The following RPS23 variants were observed in gnomAD, a reference collection of about 807,000 sequenced individuals.
RPS23 encodes the protein ribosomal protein S23, also known as small ribosomal subunit protein uS12.
For missense variants in RPS23, 73 were observed against 174.5 expected, an observed-to-expected ratio of 0.42 and a Z score of 3.28; for synonymous variants, 66 against 60.4, an observed-to-expected ratio of 1.09 and a Z score of -0.43.
In RPS23 at chr5:82,278,231, C is replaced by T; in HGVS notation, c.4+89G>A. 3.6e-6 allele frequency: 5 copies of T among 1,392,018 alleles called. No homozygotes were observed. The South Asian group carries it at 6.2e-5, about 17-fold the overall frequency. 86.2% of individuals were successfully genotyped at this position (1,392,018 alleles called of 1,614,324 possible). A position where few individuals can be genotyped will look rare whatever the true frequency, so the allele number is the denominator to read the frequency against. On this transcript the variant is annotated intron_variant, in intron 1 of 3. Transcript: ENST00000296674. Reference sequence around the variant, plus strand: ...CCCCATGGAGCCTCTCCATGGCATCCCCCGCCCTACTCTATTCGCATCCGC... The same window carrying T: ...CCCCATGGAGCCTCTCCATGGCATCTCCCGCCCTACTCTATTCGCATCCGC...
In RPS23 at chr5:82,275,565, A is replaced by G. The variant is rs1747755130; in HGVS notation, c.*544T>C. On this transcript the variant is annotated 3_prime_UTR_variant, in exon 4 of 4. Transcript: ENST00000296674. ...AACACATTAATGTAGACACATTACAACACAGATCCTGACACCTTTAAATAA... is the reference window on the plus strand; with the variant it reads ...AACACATTAATGTAGACACATTACAGCACAGATCCTGACACCTTTAAATAA... 1 of 489,484 alleles carries G rather than the reference A, an allele frequency of 2.0e-6. No homozygotes were observed. The highest frequency in any genetic ancestry group is 3.3e-5 in the East Asian group (1 of 30,174). 30.3% of individuals were successfully genotyped at this position (489,484 alleles called of 1,614,324 possible). A position where few individuals can be genotyped will look rare whatever the true frequency, so the allele number is the denominator to read the frequency against.
intron 1 of RPS23, 168 bp downstream of exon 1, chr5:82,278,152 G>A: frequency 3.3e-6 from 3 of 899,810 alleles, no homozygotes; most frequent in East Asian, 2.7e-5. Flanking sequence ...ACGCCTCATG[G>A]GCCCCTTCCG....
At position 82,275,326 on chromosome 5, in the gene RPS23, C is replaced by T. The variant is rs1359259559; in HGVS notation, c.*783G>A. ...ACAAGTATTTGTGGACAGCAAAATC[C>T]ACATGTACTCAATACCTAGCTTAAA... On this transcript the variant is annotated 3_prime_UTR_variant, in exon 4 of 4. Transcript: ENST00000296674. 3 of 702,450 alleles carry T rather than the reference C, an allele frequency of 4.3e-6. No homozygotes were observed. Among genetic ancestry groups the T allele is most frequent in the Admixed American group, 2.0e-5 (1 of 49,996 alleles). 43.5% of individuals were successfully genotyped at this position (702,450 alleles called of 1,614,324 possible). A position where few individuals can be genotyped will look rare whatever the true frequency, so the allele number is the denominator to read the frequency against.
intron 2 of RPS23, 180 bp from the exon 3 acceptor site, chr5:82,276,698 G>A (rs755477019): frequency 1.1e-5 from 8 of 718,960 alleles, no homozygotes; most frequent in Admixed American, 5.8e-5. Context: ...TAGCACAATG[G>A]GGGAAATTTC....
At position 82,276,027 on chromosome 5, in the gene RPS23, G is replaced by A. The variant is rs226201; in HGVS notation, c.*82C>T. 747,279 of 1,319,230 alleles carry A rather than the reference G, an allele frequency of 0.57. 221,972 individuals are homozygous for A. Among genetic ancestry groups the A allele is most frequent in the East Asian group, 0.93 (40,368 of 43,276 alleles). 81.7% of individuals were successfully genotyped at this position (1,319,230 alleles called of 1,614,324 possible). A position where few individuals can be genotyped will look rare whatever the true frequency, so the allele number is the denominator to read the frequency against. On this transcript the variant is annotated 3_prime_UTR_variant, in exon 4 of 4. Coordinates refer to ENST00000296674, the MANE Select transcript of RPS23 (RefSeq NM_001025.5). ...GGTGGTGGTAATGAACATGATCTTCGTGGTGAGAACAGGGGACAGTAAGAT... is the reference window on the plus strand; with the variant it reads ...GGTGGTGGTAATGAACATGATCTTCATGGTGAGAACAGGGGACAGTAAGAT...
rs1747765584 is a variant in RPS23 at position 82,276,013 on chromosome 5, T to C, written c.*96A>G. 17 of 1,204,884 alleles carry C rather than the reference T, an allele frequency of 1.4e-5. No homozygotes were observed. Among genetic ancestry groups the C allele is most frequent in the Middle Eastern group, 2.9e-4 (1 of 3,390 alleles). The allele number at this position is 1,204,884 out of a possible 1,614,324, so 74.6% of individuals were successfully genotyped here. ...AAATAAGGGGGGGTGGTGGTGGTAA[T>C]GAACATGATCTTCGTGGTGAGAACA... On this transcript the variant is annotated 3_prime_UTR_variant, in exon 4 of 4. Coordinates refer to ENST00000296674, the MANE Select transcript of RPS23 (RefSeq NM_001025.5).
Position 82,275,975 on chromosome 5 carries a change from T to C in RPS23, c.*134A>G. ...TTGGTACAGGTCCTGCGTTTGCTGG[T>C]TTAGGATAAAAAAAATAAGGGGGGG... On this transcript the variant is annotated 3_prime_UTR_variant, in exon 4 of 4. Coordinates refer to ENST00000296674, the MANE Select transcript of RPS23 (RefSeq NM_001025.5). 1.2e-6 allele frequency: 1 copy of C among 820,956 alleles called. No homozygotes were observed. The highest frequency in any genetic ancestry group is 1.9e-6 in the Non-Finnish European group (1 of 519,776). The allele number at this position is 820,956 out of a possible 1,614,324, so 50.9% of individuals were successfully genotyped here.
Position 82,276,055 on chromosome 5 carries a change from A to C in RPS23, c.*54T>G, listed in dbSNP as rs41271129. ...GTGAGAACAGGGGACAGTAAGATAC[A>C]AACATTTTTTGGCATATGAAAATTT... On this transcript the variant is annotated 3_prime_UTR_variant, in exon 4 of 4. Coordinates refer to ENST00000296674, the MANE Select transcript of RPS23 (RefSeq NM_001025.5). 0.062 allele frequency: 95,439 copies of C among 1,533,348 alleles called. 3,436 individuals are homozygous for C. The highest frequency in any genetic ancestry group is 0.073 in the Non-Finnish European group (81,863 of 1,123,452). The allele number at this position is 1,533,348 out of a possible 1,614,324, so 95.0% of individuals were successfully genotyped here.
chr5:82,273,838 C>G lies in RPS23; in HGVS notation c.*2271G>C, dbSNP rs1032550482. 6.6e-6 allele frequency: 1 copy of G among 152,216 alleles called. No individual in the cohort carries two copies. The highest frequency in any genetic ancestry group is 2.4e-5 in the African/African-American group (1 of 41,458). 9.4% of individuals were successfully genotyped at this position (152,216 alleles called of 1,614,324 possible). On this transcript the variant is annotated 3_prime_UTR_variant, in exon 4 of 4. Coordinates refer to ENST00000296674, the MANE Select transcript of RPS23 (RefSeq NM_001025.5). ...TCAGCCTCCCAAAGTGCTGGGATTA[C>G]AGGCATGAACCACAGCGCCCAGCTT...
At position 82,276,199 on chromosome 5, in the gene RPS23, A is replaced by G. The variant is rs746571634; in HGVS notation, c.342T>C (p.Asp114=). ...GFGRKGHAVG[D]IPGVRFKVVK... is the part of the protein sequence containing the mutation. ...CAACCTTAAAGCGGACTCCAGGAATATCACCAACAGCATGACCTTTGCGAC... is the reference window on the plus strand; with the variant it reads ...CAACCTTAAAGCGGACTCCAGGAATGTCACCAACAGCATGACCTTTGCGAC... Residue 114 remains aspartate (D), a synonymous_variant, in exon 4 of 4, where the codon GAT becomes GAC. Transcript: ENST00000296674. 6.2e-7 allele frequency: 1 copy of G among 1,612,922 alleles called. No individual in the cohort carries two copies. The highest frequency in any genetic ancestry group is 8.5e-7 in the Non-Finnish European group (1 of 1,179,702).
intron 1 of RPS23, 47 bp downstream of exon 1, chr5:82,278,273 C>T: frequency 1.3e-6 from 2 of 1,590,492 alleles, no homozygotes; most frequent in South Asian, 2.3e-5. Context: ...GTCCCCAAGA[C>T]CCCAAGTCCC....
At position 82,275,121 on chromosome 5, in the gene RPS23, AAGT is replaced by A. The variant is rs1408420381; in HGVS notation, c.*985_*987del. On this transcript the variant is annotated 3_prime_UTR_variant, in exon 4 of 4. Transcript: ENST00000296674. ...AAGGTTCTGCTCTTGATCCTACGGA[AAGT>A]GGGCAACCAAACCAATTGTTTTCCA... 1 of 668,856 alleles carries A rather than the reference AAGT, an allele frequency of 1.5e-6. No homozygotes were observed. The highest frequency in any genetic ancestry group is 1.6e-5 in the South Asian group (1 of 61,410). 41.4% of individuals were successfully genotyped at this position (668,856 alleles called of 1,614,324 possible).
At chr5:82,277,875 C>G (rs756216144) in intron 1 of RPS23, 23 bp from the exon 2 acceptor site, 1 of 1,608,588 alleles carries the variant, frequency 6.2e-7, no homozygotes, top group Non-Finnish European at 8.5e-7. Flanking sequence ...TATTTTAGTT[C>G]TTCCGTAAAA....
chr5:82,275,754 A>T lies in RPS23; in HGVS notation c.*355T>A, dbSNP rs1266616937. The T allele has an allele frequency of 3.9e-6, 1 of 255,920 alleles. No homozygotes were observed. The highest frequency in any genetic ancestry group is 7.3e-6 in the Non-Finnish European group (1 of 136,116). 15.9% of individuals were successfully genotyped at this position (255,920 alleles called of 1,614,324 possible). On this transcript the variant is annotated 3_prime_UTR_variant, in exon 4 of 4. Coordinates refer to ENST00000296674, the MANE Select transcript of RPS23 (RefSeq NM_001025.5). ...GATATGGAAAATACCAAGAATAAAA[A>T]AGAAAGTATCTCACTAGAATTTCAG...
intron 3 of RPS23, 56 bp from the exon 4 acceptor site, chr5:82,276,311 TCATGTGAGGAAACTCCCTTG>T (rs763622258): frequency 1.2e-6 from 2 of 1,612,526 alleles, no homozygotes; most frequent in Non-Finnish European, 1.7e-6. Context: ...AAAAATACTT[TCATGTGAGGAAACTCCCTTG>T]CATCAGATAA....
rs1046187008 is a variant in RPS23 at position 82,273,723 on chromosome 5, G to A, written c.*2386C>T. The stretch of plus-strand genomic sequence containing the variant: ...TATAAAACAATATAAAACAATATGA[G>A]AAGGTCTCTCTCTTCCCTCAAGAGT... On this transcript the variant is annotated 3_prime_UTR_variant, in exon 4 of 4. Coordinates refer to ENST00000296674, the MANE Select transcript of RPS23 (RefSeq NM_001025.5). The A allele has an allele frequency of 6.6e-6, 1 of 151,956 alleles. No individual in the cohort carries two copies. Among genetic ancestry groups the A allele is most frequent in the Admixed American group, 6.6e-5 (1 of 15,260 alleles). The allele number at this position is 151,956 out of a possible 1,614,324, so 9.4% of individuals were successfully genotyped here. A position where few individuals can be genotyped will look rare whatever the true frequency, so the allele number is the denominator to read the frequency against.
In RPS23 at chr5:82,275,038, G is replaced by A. The variant is rs747790048; in HGVS notation, c.*1071C>T. 243 of 576,394 alleles carry A rather than the reference G, an allele frequency of 4.2e-4. 2 individuals are homozygous for A. Among genetic ancestry groups the A allele is most frequent in the Admixed American group, 1.6e-3 (52 of 32,934 alleles). 35.7% of individuals were successfully genotyped at this position (576,394 alleles called of 1,614,324 possible). ...CAAAGTGCCAAGGAGAGAAATGGCA[G>A]GCTAAGGCTGGAATATGCAGGTATG... On this transcript the variant is annotated 3_prime_UTR_variant, in exon 4 of 4. Coordinates refer to ENST00000296674, the MANE Select transcript of RPS23 (RefSeq NM_001025.5).
At position 82,275,270 on chromosome 5, in the gene RPS23, A is replaced by T. The variant is rs981214365; in HGVS notation, c.*839T>A. On this transcript the variant is annotated 3_prime_UTR_variant, in exon 4 of 4. Coordinates refer to ENST00000296674, the MANE Select transcript of RPS23 (RefSeq NM_001025.5). The stretch of plus-strand genomic sequence containing the variant: ...GCAGAAGGCTCACAGCTTCATTTCA[A>T]CCATGCCACTGTATCCATGAAAACT... The T allele has an allele frequency of 1.4e-6, 1 of 702,636 alleles. No homozygotes were observed. Among genetic ancestry groups the T allele is most frequent in the East Asian group, 2.7e-5 (1 of 37,282 alleles). 43.5% of individuals were successfully genotyped at this position (702,636 alleles called of 1,614,324 possible). A position where few individuals can be genotyped will look rare whatever the true frequency, so the allele number is the denominator to read the frequency against.
Position 82,276,274 on chromosome 5 carries a change from T to A in RPS23, c.286-19A>T, listed in dbSNP as rs1350999784. 2 of 1,613,308 alleles carry A rather than the reference T, an allele frequency of 1.2e-6. No individual in the cohort carries two copies. Among genetic ancestry groups the A allele is most frequent in the East Asian group, 4.5e-5 (2 of 44,866 alleles). ...CATTTTCCTGGAATAAAATAAGAAG[T>A]TTATTTCTGGTGTTGGTGGCGATCA... On this transcript the variant is annotated intron_variant, in intron 3 of 3. Coordinates refer to ENST00000296674, the MANE Select transcript of RPS23 (RefSeq NM_001025.5).
Sources: allele counts gnomAD v4.1 joint callset, GRCh38; gene constraint gnomAD v4.1.1; transcripts MANE v1.5; gene names NCBI Gene and HGNC (gene_info 2026-07-23, HGNC 2026-07-21).